POLR3G: variants seen among roughly 807,000 people sequenced by gnomAD.
The protein encoded by POLR3G is RNA polymerase III subunit G, also known as DNA-directed RNA polymerase III subunit RPC7.
Under a neutral mutation model 30.1 loss-of-function variants are expected in POLR3G, and 28 were observed. That is an observed-to-expected ratio of 0.93 (90% confidence interval 0.69 to 1.27). The LOEUF is 1.27. Ranked by LOEUF, POLR3G falls within the 50% of genes most tolerant of loss-of-function variation. The pLI, the probability that POLR3G is intolerant of heterozygous loss-of-function variation, is 0.00. For missense variants in POLR3G, 254 were observed against 264.6 expected (o/e 0.96, Z 0.28); for synonymous variants, 79 against 82.5 (o/e 0.96, Z 0.23).
At chr5:90,506,414 T>A (rs1752486431) in intron 6 of POLR3G, 114 bp from the exon 7 acceptor site, 2 of 1,367,412 alleles carry the variant, frequency 1.5e-6, no homozygotes, top group Non-Finnish European at 1.9e-6. Flanking sequence ...AGCCAGGAGG[T>A]GGTGGTAAGA....
intron 3 of POLR3G, among the ~76,000 whole-genome samples, chr5:90,494,784 A>T (rs1232104862): frequency 1.3e-5 from 2 of 151,934 alleles, no homozygotes; most frequent in African/African-American, 4.8e-5. Flanking sequence ...TTTTTTATTT[A>T]TTCTCTGTAT....
rs1183096147 is a variant in POLR3G at position 90,513,109 on chromosome 5, CTT to C, written c.*972_*973del. On this transcript the variant is annotated 3_prime_UTR_variant, in exon 8 of 8. Coordinates refer to ENST00000651687, the MANE Select transcript of POLR3G (RefSeq NM_006467.3). The stretch of plus-strand genomic sequence containing the variant: ...TTAACTTTAAAGCTAGCTCCCCTAA[CTT>C]TATATATTTTTTGGGAAAAAATACC... The C allele has an allele frequency of 1.3e-5, 2 of 152,316 alleles. No homozygotes were observed. Among genetic ancestry groups the C allele is most frequent in the African/African-American group, 4.8e-5 (2 of 41,410 alleles). 9.4% of individuals were successfully genotyped at this position (152,316 alleles called of 1,614,324 possible).
At chr5:90,489,148 T>C (rs1023329714) in intron 3 of POLR3G, among the ~76,000 whole-genome samples, 2 of 152,206 alleles carry the variant, frequency 1.3e-5, no homozygotes, top group Admixed American at 1.3e-4. Flanking sequence ...TCTTAGCATG[T>C]GCTTATAATT....
At chr5:90,490,779 T>C (rs1464533652) in intron 3 of POLR3G, 1 of 247,676 alleles carries the variant, frequency 4.0e-6, no homozygotes, top group Non-Finnish European at 8.2e-6. Context: ...CTATAAAATA[T>C]ATACATTTAT....
At chr5:90,481,533 A>G (rs1246588600) in intron 1 of POLR3G, among the ~76,000 whole-genome samples, 13 of 152,224 alleles carry the variant, frequency 8.5e-5, no homozygotes, top group Non-Finnish European at 1.9e-4. Flanking sequence ...ATAAAAATTC[A>G]GATTCTCAGT....
At position 90,514,293 on chromosome 5, in the gene POLR3G, T is replaced by C. The variant is rs1752866764; in HGVS notation, c.*2154T>C. On this transcript the variant is annotated 3_prime_UTR_variant, in exon 8 of 8. Coordinates refer to ENST00000651687, the MANE Select transcript of POLR3G (RefSeq NM_006467.3). Reference sequence around the variant, plus strand: ...GCAGAATTAGCCTCTTACATAAAAGTATTTGTTGAAGTGTCTTTAAAATTG... The same window carrying C: ...GCAGAATTAGCCTCTTACATAAAAGCATTTGTTGAAGTGTCTTTAAAATTG... 2 of 152,350 alleles carry C rather than the reference T, an allele frequency of 1.3e-5. No individual in the cohort carries two copies. Among genetic ancestry groups the C allele is most frequent in the South Asian group, 4.1e-4 (2 of 4,832 alleles). 9.4% of individuals were successfully genotyped at this position (152,350 alleles called of 1,614,324 possible). A position where few individuals can be genotyped will look rare whatever the true frequency, so the allele number is the denominator to read the frequency against.
At chr5:90,511,179 C>T (rs992143494) in intron 7 of POLR3G, among the ~76,000 whole-genome samples, 2 of 152,142 alleles carry the variant, frequency 1.3e-5, no homozygotes, top group Admixed American at 6.5e-5. Context: ...TCCTAGGCAT[C>T]GTATCATTTC....
intron 4 of POLR3G, 97 bp downstream of exon 4, chr5:90,495,830 G>A: frequency 7.1e-7 from 1 of 1,408,526 alleles, no homozygotes; most frequent in Non-Finnish European, 9.3e-7. Flanking sequence ...TTTACCATAG[G>A]AAAACTGAGT....
chr5:90,490,177 A>G (rs1001614017), intron 3 of POLR3G, among the ~76,000 whole-genome samples: 1 of 151,562 alleles, frequency 6.6e-6, no homozygotes, highest in African/African-American at 2.4e-5. Flanking sequence ...TAAAAACATA[A>G]TTTTGTTGTT....
chr5:90,485,160 A>G (rs1040329850), intron 1 of POLR3G, among the ~76,000 whole-genome samples: 1 of 152,210 alleles, frequency 6.6e-6, no homozygotes, highest in Non-Finnish European at 1.5e-5. Flanking sequence ...ATGACTAATG[A>G]TAGTTTTTAT....
rs1185921319 is a variant in POLR3G, at chr5:90,485,606, C to T, written c.39C>T (p.Thr13=). The stretch of plus-strand genomic sequence containing the variant: ...AAGGAAGAGGACGTGCTGCTTATAC[C>T]TTTAATATTGAGGCTGTTGGATTTA... ...GNKGRGRAAY[T]FNIEAVGFSK... The change falls in exon 2 of 8, where the codon ACC becomes ACT. Residue 13 remains threonine (T), a synonymous_variant. Coordinates refer to ENST00000651687, the MANE Select transcript of POLR3G (RefSeq NM_006467.3). The T allele has an allele frequency of 9.9e-6, 16 of 1,613,820 alleles. No homozygotes were observed. The highest frequency in any genetic ancestry group is 1.4e-5 in the Non-Finnish European group (16 of 1,179,954).
At chr5:90,485,469 T>C (rs1474346759) in intron 1 of POLR3G, 56 bp from the exon 2 acceptor site, 1 of 869,634 alleles carries the variant, frequency 1.1e-6, no homozygotes, top group South Asian at 1.7e-5. Context: ...TATATTTTGC[T>C]TTAAAGTGTT....
rs1561262937 is a variant in POLR3G at position 90,514,386 on chromosome 5, CA to C, written c.*2251del. The C allele has an allele frequency of 6.6e-6, 1 of 152,138 alleles. No homozygotes were observed. Among genetic ancestry groups the C allele is most frequent in the African/African-American group, 2.4e-5 (1 of 41,422 alleles). The allele number at this position is 152,138 out of a possible 1,614,324, so 9.4% of individuals were successfully genotyped here. On this transcript the variant is annotated 3_prime_UTR_variant, in exon 8 of 8. Coordinates refer to ENST00000651687, the MANE Select transcript of POLR3G (RefSeq NM_006467.3). ...TATTTATTTACACATTAAATTCTTA[CA>C]AAACAAAATGTGTTCGTTTGTTTTA... is the stretch of plus-strand genomic sequence containing the variant.
intron 6 of POLR3G, among the ~76,000 whole-genome samples, chr5:90,504,801 CTTA>C (rs1480673384): frequency 6.6e-6 from 1 of 151,958 alleles, no homozygotes; most frequent in Admixed American, 6.6e-5. Flanking sequence ...GTGTGTATAT[CTTA>C]TTATAGATGC....
intron 6 of POLR3G, among the ~76,000 whole-genome samples, chr5:90,502,804 C>T (rs185143): frequency 0.68 from 98,295 of 143,954 alleles, 33,773 homozygotes; most frequent in African/African-American, 0.79. Flanking sequence ...CCTCATCCTT[C>T]TTTTTTTTTT....
intron 3 of POLR3G, among the ~76,000 whole-genome samples, chr5:90,488,673 G>A (rs975388338): frequency 9.9e-5 from 15 of 151,870 alleles, no homozygotes; most frequent in African/African-American, 2.7e-4. Flanking sequence ...ATATAATGCC[G>A]TGATTGTTAT....
At chr5:90,474,213 C>A, upstream of POLR3G, 2 of 1,612,566 alleles carry the variant, frequency 1.2e-6, no homozygotes, top group Non-Finnish European at 8.5e-7. Flanking sequence ...GGCACGGTTG[C>A]CCGACTCGTA....
At position 90,485,679 on chromosome 5, in the gene POLR3G, T is replaced by C; in HGVS notation, c.112T>C (p.Phe38Leu). Residue 38 changes from phenylalanine (F) to leucine (L), a missense_variant, in exon 2 of 8, where the codon TTT (phenylalanine) becomes CTT (leucine). By Grantham distance (22) the Phe-to-Leu change is conservative. Transcript: ENST00000651687. ...TGTAGTGTTGAAACCACCCCCACTA[T>C]TTCCTGTAAGTATATGAACAGTTGA... ...PDVVLKPPPL[F>L]PDTDYKPVPL... is the part of the protein sequence containing the mutation. 6.2e-7 allele frequency: 1 copy of C among 1,607,332 alleles called. No homozygotes were observed. Among genetic ancestry groups the C allele is most frequent in the Non-Finnish European group, 8.5e-7 (1 of 1,174,828 alleles).
rs533629570 is a variant in POLR3G, at chr5:90,505,122, C to T, written c.439-1406C>T. 3.9e-5 allele frequency among the ~76,000 whole-genome samples: 6 copies of T among 152,144 alleles called. No individual in the cohort carries two copies. In the South Asian group the frequency reaches 6.2e-4, roughly 16 times the overall value. ...AATTACAAGGATTTTTAAAGATAAGCGTTTAAGAACCAGTAAAGGAATAGC... is the reference window on the plus strand; with the variant it reads ...AATTACAAGGATTTTTAAAGATAAGTGTTTAAGAACCAGTAAAGGAATAGC... On this transcript the variant is annotated intron_variant, in intron 6 of 7. Coordinates refer to ENST00000651687, the MANE Select transcript of POLR3G (RefSeq NM_006467.3).
Sources: allele counts gnomAD v4.1 joint callset (sites outside exome capture counted in the v4.1 genomes callset), GRCh38; gene constraint gnomAD v4.1.1; transcripts MANE v1.5; gene names NCBI Gene and HGNC (gene_info 2026-07-23, HGNC 2026-07-21).